GALNT13: variants seen among roughly 807,000 people sequenced by gnomAD.
GALNT13 encodes polypeptide N-acetylgalactosaminyltransferase 13.
A neutral mutation model predicts 64.2 loss-of-function variants in GALNT13; 28 were observed. The ratio of observed to expected loss-of-function variants is 0.44; its 90% CI spans 0.32 to 0.60. The LOEUF is 0.60. Ranked by LOEUF, GALNT13 falls within the 20% of genes least tolerant of loss-of-function variation. GALNT13 has a pLI of 0.05. For synonymous variants in GALNT13, 214 were observed against 224.6 expected (o/e 0.95, Z 0.42); for missense variants, 577 against 669.8 (o/e 0.86, Z 1.53).
At chr2:154,350,003 G>A (rs1696301593) in intron 9 of GALNT13, among the ~76,000 whole-genome samples, 1 of 152,164 alleles carries the variant, frequency 6.6e-6, no homozygotes, top group Non-Finnish European at 1.5e-5. Flanking sequence ...TAGGATTTTG[G>A]TAACCTAAAG....
At chr2:153,183,208 T>G in the GALNT13 span, among the ~76,000 whole-genome samples, 3 of 152,242 alleles carry the variant, frequency 2.0e-5, no homozygotes, top group African/African-American at 7.2e-5. Flanking sequence ...TGGTTTTGAT[T>G]TGCATTTCTC....
At chr2:153,750,766 A>G in the GALNT13 span, among the ~76,000 whole-genome samples, 5 of 151,748 alleles carry the variant, frequency 3.3e-5, no homozygotes, top group African/African-American at 1.2e-4. Context: ...TTAAAAAAAC[A>G]ACTTTTTGTT....
intron 11 of GALNT13, among the ~76,000 whole-genome samples, chr2:154,433,089 G>C (rs1038339335): frequency 6.6e-6 from 1 of 152,148 alleles, no homozygotes; most frequent in African/African-American, 2.4e-5. Context: ...ATAAAAATAA[G>C]TTCTGCATTT....
At chr2:154,322,144 CTTTTTTTTTTTTTTTT>C (rs70983718) in intron 9 of GALNT13, among the ~76,000 whole-genome samples, 291 of 16,674 alleles carry the variant, frequency 0.017, 6 homozygotes, top group Non-Finnish European at 0.022. Context: ...AAAATATGTA[CTTTTTTTTTTTTTTTT>C]TTTTTTTTTT....
the GALNT13 span, among the ~76,000 whole-genome samples, chr2:153,388,357 A>G: frequency 6.6e-6 from 1 of 151,972 alleles, no homozygotes; most frequent in African/African-American, 2.4e-5. Context: ...AAGAGAGTAA[A>G]CCTGCCTTAG....
intron 4 of GALNT13, among the ~76,000 whole-genome samples, chr2:154,219,162 AC>A (rs1688197361): frequency 6.6e-6 from 1 of 152,120 alleles, no homozygotes; most frequent in African/African-American, 2.4e-5. Context: ...ATAAATAAGA[AC>A]TATTTTAATA....
At chr2:154,242,302 T>A (rs1427637576) in intron 5 of GALNT13, 106 bp downstream of exon 5, 6 of 938,202 alleles carry the variant, frequency 6.4e-6, no homozygotes, top group Non-Finnish European at 7.9e-6. Flanking sequence ...TAGGCAATGA[T>A]CTATATTTGC....
At chr2:153,821,302 C>T in the GALNT13 span, among the ~76,000 whole-genome samples, 1 of 152,162 alleles carries the variant, frequency 6.6e-6, no homozygotes, top group Non-Finnish European at 1.5e-5. Flanking sequence ...TTCTCATCTG[C>T]ACCTGAAACA....
chr2:153,667,577 A>G, the GALNT13 span, among the ~76,000 whole-genome samples: 2 of 152,224 alleles, frequency 1.3e-5, no homozygotes, highest in Admixed American at 6.5e-5. Context: ...AGCAAATGCT[A>G]AGGGAATTTG....
intron 4 of GALNT13, among the ~76,000 whole-genome samples, chr2:154,204,786 G>A (rs1341305477): frequency 1.3e-5 from 2 of 152,174 alleles, no homozygotes; most frequent in African/African-American, 4.8e-5. Flanking sequence ...GACATATCAT[G>A]TTATGTTGTG....
intron 10 of GALNT13, among the ~76,000 whole-genome samples, chr2:154,405,584 T>TA (rs71398312): frequency 0.6 from 80,089 of 133,846 alleles, 24,100 homozygotes; most frequent in Admixed American, 0.67. Context: ...CCATCTCTTC[T>TA]AAAAAAAAAA....
the GALNT13 span, among the ~76,000 whole-genome samples, chr2:153,198,110 C>T: frequency 6.6e-6 from 1 of 152,154 alleles, no homozygotes; most frequent in Admixed American, 6.5e-5. Context: ...CTTAGTGAGC[C>T]TCCAGAAATG....
chr2:154,105,400 G>A (rs1187766687), intron 3 of GALNT13, among the ~76,000 whole-genome samples: 1 of 152,026 alleles, frequency 6.6e-6, no homozygotes, highest in Non-Finnish European at 1.5e-5. Context: ...CTTTTATTAT[G>A]ATTAGATATG....
rs1248767684 is a variant in GALNT13, at chr2:154,191,538, A to G, written c.312-50492A>G. 2.6e-5 allele frequency among the ~76,000 whole-genome samples: 4 copies of G among 152,186 alleles called. No homozygotes were observed. In the East Asian group the frequency reaches 7.7e-4, roughly 29 times the overall value. ...TTATTGTGCGGTATGAATGTAATCA[A>G]CCTGAGTAATCCACTCCATAGTTTT... On this transcript the variant is annotated intron_variant, in intron 4 of 12. Transcript: ENST00000392825.
intron 11 of GALNT13, among the ~76,000 whole-genome samples, chr2:154,428,159 A>G (rs1240992153): frequency 6.6e-6 from 1 of 152,156 alleles, no homozygotes; most frequent in Admixed American, 6.5e-5. Flanking sequence ...AGAGGATGCA[A>G]AGGTCCACAA....
intron 7 of GALNT13, among the ~76,000 whole-genome samples, chr2:154,246,523 G>T (rs145583169): frequency 6.4e-4 from 97 of 152,106 alleles, no homozygotes; most frequent in African/African-American, 2.2e-3. Context: ...AGTAAAATAT[G>T]CACTTACTTG....
the GALNT13 span, among the ~76,000 whole-genome samples, chr2:153,700,041 A>T: frequency 6.6e-6 from 1 of 152,034 alleles, no homozygotes; most frequent in African/African-American, 2.4e-5. Context: ...ACAACAAAAA[A>T]CCCCCAAAAC....
At chr2:153,929,833 A>T (rs1413374525) in intron 2 of GALNT13, among the ~76,000 whole-genome samples, 1 of 152,106 alleles carries the variant, frequency 6.6e-6, no homozygotes, top group Non-Finnish European at 1.5e-5. Flanking sequence ...CTTAATAATA[A>T]AATGATTTAT....
At chr2:153,508,997 C>G in the GALNT13 span, among the ~76,000 whole-genome samples, 1 of 152,178 alleles carries the variant, frequency 6.6e-6, no homozygotes, top group African/African-American at 2.4e-5. Flanking sequence ...TTGTCCTTCC[C>G]CAAGAGATTG....
Sources: gnomAD v4.1 joint callset for allele counts (sites outside exome capture counted in the v4.1 genomes callset) on GRCh38, gnomAD v4.1.1 for gene constraint, MANE v1.5 for transcripts, NCBI Gene and HGNC (gene_info 2026-07-23, HGNC 2026-07-21) for gene names.